The following DNAH14 variants were observed in gnomAD, a reference collection of about 807,000 sequenced individuals.
DNAH14 encodes the protein axonemal beta dynein heavy chain 14.
A neutral mutation model predicts 520.9 loss-of-function variants in DNAH14; 478 were observed. The observed-to-expected ratio is 0.92, with a 90% CI of 0.85 to 0.99. The LOEUF is 0.99. DNAH14 is among the 50% of genes least tolerant of loss of function. DNAH14 has a pLI of 0.00. For missense variants in DNAH14, 4,831 were observed against 5,234.5 expected (o/e 0.92, Z 2.38); for synonymous variants, 1,581 against 1,757.2 (o/e 0.90, Z 2.51).
chr1:225,118,016 A>G lies in DNAH14; in HGVS notation c.4091+17A>G. 6.7e-7 allele frequency: 1 copy of G among 1,492,178 alleles called. No individual in the cohort carries two copies. Among genetic ancestry groups the G allele is most frequent in the East Asian group, 2.5e-5 (1 of 40,620 alleles). The allele number at this position is 1,492,178 out of a possible 1,614,324, so 92.4% of individuals were successfully genotyped here. ...GCTGCCAAAGTATGATAAATGTTAC[A>G]AACTGTTTAGATTCTGTACAACGTC... On this transcript the variant is annotated intron_variant, in intron 25 of 85. Transcript: ENST00000682510.
In DNAH14 at chr1:225,335,827, ATG is replaced by A. The variant is rs1279240313; in HGVS notation, c.10081-1437_10081-1436del. ...TATGTACATATATGTACATACACATATGTACATATATGTACATACACATATGT... is the reference window on the plus strand; with the variant it reads ...TATGTACATATATGTACATACACATATACATATATGTACATACACATATGT... On this transcript the variant is annotated intron_variant, in intron 66 of 85. Coordinates refer to ENST00000682510, the MANE Select transcript of DNAH14 (RefSeq NM_001367479.1). Among the ~76,000 whole-genome samples the A allele has an allele frequency of 5.2e-4, 55 of 105,924 alleles. 2 individuals carry two copies. Among genetic ancestry groups the A allele is most frequent in the African/African-American group, 1.7e-3 (47 of 27,734 alleles). 69.5% of individuals were successfully genotyped at this position (105,924 alleles called of 152,430 possible).
rs1046114092 is a variant in DNAH14 at position 225,265,482 on chromosome 1, A to G, written c.7410+113A>G. On this transcript the variant is annotated intron_variant, in intron 48 of 85. Coordinates refer to ENST00000682510, the MANE Select transcript of DNAH14 (RefSeq NM_001367479.1). ...ATTTGTGTAACACACATTTTTGAAC[A>G]TCATAGAAGATGCAATGTATAACAG... The G allele has an allele frequency of 1.0e-5, 9 of 858,550 alleles. No individual in the cohort carries two copies. The African/African-American group carries it at 1.5e-4, about 14-fold the overall frequency. The allele number at this position is 858,550 out of a possible 1,614,324, so 53.2% of individuals were successfully genotyped here. A position where few individuals can be genotyped will look rare whatever the true frequency, so the allele number is the denominator to read the frequency against.
intron 66 of DNAH14, among the ~76,000 whole-genome samples, chr1:225,334,842 A>T (rs1332038286): frequency 6.6e-6 from 1 of 151,254 alleles, no homozygotes; most frequent in Non-Finnish European, 1.5e-5. Flanking sequence ...GCACTCCAGC[A>T]TGGGAGACAA....
In DNAH14 at chr1:225,333,383, T is replaced by A. The variant is rs1394515971; in HGVS notation, c.9957T>A (p.Ser3319Arg). 2.6e-6 allele frequency: 4 copies of A among 1,551,758 alleles called. No individual in the cohort carries two copies. The highest frequency in any genetic ancestry group is 1.2e-5 in the South Asian group (1 of 84,056). Residue 3319 changes from serine to arginine, a missense_variant, in exon 66 of 86, where the codon AGT (serine) becomes AGA (arginine). Coordinates refer to ENST00000682510, the MANE Select transcript of DNAH14 (RefSeq NM_001367479.1). ...ILLSAACIVY[S>R]GILTPEFRQL... is the part of the protein sequence containing the mutation. ...TTTCAGCAGCGTGCATTGTCTACAG[T>A]GGAATTTTAACACCAGAATTTCGCC...
At chr1:225,235,264 A>G (rs890481829) in intron 42 of DNAH14, among the ~76,000 whole-genome samples, 2 of 152,190 alleles carry the variant, frequency 1.3e-5, no homozygotes, top group Non-Finnish European at 2.9e-5. Flanking sequence ...ATGTTGAATT[A>G]TATCAAAAGC....
At chr1:225,342,850 C>T (rs1308014866) in intron 69 of DNAH14, among the ~76,000 whole-genome samples, 1 of 151,676 alleles carries the variant, frequency 6.6e-6, no homozygotes, top group Non-Finnish European at 1.5e-5. Flanking sequence ...CCCACCCCCA[C>T]CCCTCACAGC....
intron 77 of DNAH14, 24 bp downstream of exon 77, chr1:225,368,056 A>C (rs1478826707): frequency 6.0e-6 from 9 of 1,504,686 alleles, no homozygotes; most frequent in Non-Finnish European, 8.1e-6. Context: ...CTTCAAACAA[A>C]CAACAAATAA....
Position 225,331,435 on chromosome 1 carries a change from A to T in DNAH14, c.9724-2A>T. 1 of 1,548,686 alleles carries T rather than the reference A, an allele frequency of 6.5e-7. No individual in the cohort carries two copies. Among genetic ancestry groups the T allele is most frequent in the Non-Finnish European group, 8.7e-7 (1 of 1,145,798 alleles). On this transcript the variant is annotated splice_acceptor_variant, in intron 64 of 85. Coordinates refer to ENST00000682510, the MANE Select transcript of DNAH14 (RefSeq NM_001367479.1). LOFTEE classifies it high-confidence loss of function. ...CTCAATAATGAATTAATTATCTTTC[A>T]GGTTGAAGAACATTTGCTGTTTTTA...
chr1:225,297,509 G>A (rs557439115), intron 55 of DNAH14, among the ~76,000 whole-genome samples: 1 of 152,258 alleles, frequency 6.6e-6, no homozygotes, highest in East Asian at 1.9e-4. Flanking sequence ...TTATGGAGTA[G>A]CTTTCATAAG....
intron 40 of DNAH14, among the ~76,000 whole-genome samples, 198 bp downstream of exon 40, chr1:225,206,377 A>G (rs1266568108): frequency 6.6e-6 from 1 of 152,192 alleles, no homozygotes; most frequent in African/African-American, 2.4e-5. Context: ...TACTGTTTTA[A>G]TACTACTCTT....
chr1:225,141,812 G>C (rs1042432236), intron 28 of DNAH14, among the ~76,000 whole-genome samples: 1 of 152,062 alleles, frequency 6.6e-6, no homozygotes, highest in Non-Finnish European at 1.5e-5. Context: ...CTCCTACCTG[G>C]AGTCAATTAG....
At chr1:225,037,721 T>G (rs981723642) in intron 11 of DNAH14, among the ~76,000 whole-genome samples, 8 of 152,154 alleles carry the variant, frequency 5.3e-5, no homozygotes, top group African/African-American at 1.9e-4. Context: ...TCACTCTTAT[T>G]GCCCAGGCTG....
rs1239853658 is a variant in DNAH14, at chr1:225,191,976, T to C, written c.5671-720T>C. On this transcript the variant is annotated intron_variant, in intron 37 of 85. Coordinates refer to ENST00000682510, the MANE Select transcript of DNAH14 (RefSeq NM_001367479.1). ...TTCCAGTTTCCTCAGACTTGATCTT[T>C]GCTGGGGTAGTTTTTGACTGATTAG... Among the ~76,000 whole-genome samples, 3 of 151,886 alleles carry C rather than the reference T, an allele frequency of 2.0e-5. No individual in the cohort carries two copies. In the East Asian group the frequency reaches 5.8e-4, roughly 29 times the overall value.
Position 225,023,658 on chromosome 1 carries a change from T to G in DNAH14, c.1151T>G (p.Leu384Arg), listed in dbSNP as rs181331399. ...ATCAAAGAGTATTTTGAGTCAAAAC[T>G]CTCTGAAGATGACACAACACATTTC... ...NEIKEYFESK[L>R]SEDDTTHFKL... The change falls in exon 11 of 86, where the codon CTC becomes CGC. Residue 384 changes from leucine to arginine, a missense_variant. Physicochemically the swap from Leu to Arg is moderately radical, Grantham distance 102. Transcript: ENST00000682510. 1.2e-4 allele frequency: 189 copies of G among 1,546,692 alleles called. No homozygotes were observed. In the East Asian group the frequency reaches 3.8e-3, roughly 31 times the overall value.
intron 1 of DNAH14, among the ~76,000 whole-genome samples, chr1:224,939,406 C>T (rs898742262): frequency 1.3e-5 from 2 of 152,098 alleles, no homozygotes; most frequent in Non-Finnish European, 2.9e-5. Flanking sequence ...TGTGGTGGCT[C>T]ATGCCTGTAA....
At chr1:225,288,198 A>T (rs2093791112) in intron 54 of DNAH14, among the ~76,000 whole-genome samples, 1 of 152,148 alleles carries the variant, frequency 6.6e-6, no homozygotes, top group Admixed American at 6.6e-5. Flanking sequence ...TATCTAGGTG[A>T]TCAAGTTCAC....
At chr1:225,039,442 T>A (rs1202763748) in intron 12 of DNAH14, among the ~76,000 whole-genome samples, 10 of 152,174 alleles carry the variant, frequency 6.6e-5, no homozygotes, top group Non-Finnish European at 1.2e-4. Flanking sequence ...TATTACAGAA[T>A]GTAAAATGCT....
At chr1:225,033,109 T>C (rs2066664197) in intron 11 of DNAH14, among the ~76,000 whole-genome samples, 1 of 152,194 alleles carries the variant, frequency 6.6e-6, no homozygotes, top group African/African-American at 2.4e-5. Context: ...ATTTTTGCTT[T>C]TGTTGCAATG....
At chr1:225,200,640 C>G (rs1416422848) in intron 38 of DNAH14, among the ~76,000 whole-genome samples, 1 of 152,050 alleles carries the variant, frequency 6.6e-6, no homozygotes, top group Non-Finnish European at 1.5e-5. Context: ...ATACAAAATT[C>G]TTGGCTGATA....
Sources: gnomAD v4.1 joint callset for allele counts (sites outside exome capture counted in the v4.1 genomes callset) on GRCh38, gnomAD v4.1.1 for gene constraint, MANE v1.5 for transcripts, NCBI Gene and HGNC (gene_info 2026-07-23, HGNC 2026-07-21) for gene names.